The following GPD2 variants were observed in gnomAD, a reference collection of about 807,000 sequenced individuals.
GPD2 encodes glycerol-3-phosphate dehydrogenase 2.
In GPD2, 54 loss-of-function variants were observed where a neutral mutation model predicts 82.4. The observed-to-expected ratio is 0.66, with a 90% CI of 0.53 to 0.82. The LOEUF is 0.82. Among genes scored for constraint, GPD2 ranks in the 40% least tolerant of loss-of-function variants. GPD2 has a pLI of 0.00. For missense variants in GPD2, 748 were observed against 896.2 expected (o/e 0.83, Z 2.11); for synonymous variants, 288 against 306.1 (o/e 0.94, Z 0.62).
chr2:156,450,918 G>A lies in GPD2; in HGVS notation c.-9+14405G>A, dbSNP rs1357084794. 2.2e-4 allele frequency among the ~76,000 whole-genome samples: 29 copies of A among 130,624 alleles called. 1 individual carries two copies. The South Asian group carries it at 8.2e-3, about 37-fold the overall frequency. 85.7% of individuals were successfully genotyped at this position (130,624 alleles called of 152,430 possible). A position where few individuals can be genotyped will look rare whatever the true frequency, so the allele number is the denominator to read the frequency against. The stretch of plus-strand genomic sequence containing the variant: ...TGTTTAACAAAGCACATCTTGCACC[G>A]CCCTTAATCCATTTAACCCTGAGTG... On this transcript the variant is annotated intron_variant, in intron 1 of 16. Coordinates refer to ENST00000438166, the MANE Select transcript of GPD2 (RefSeq NM_000408.5).
chr2:156,493,997 T>C (rs1424408298), intron 2 of GPD2, among the ~76,000 whole-genome samples: 2 of 149,972 alleles, frequency 1.3e-5, no homozygotes, highest in African/African-American at 2.4e-5. Flanking sequence ...GCAAAGACCA[T>C]AATTGAAATA....
At chr2:156,408,160 G>T in the GPD2 span, among the ~76,000 whole-genome samples, 1 of 151,714 alleles carries the variant, frequency 6.6e-6, no homozygotes. Context: ...TTGCTATGTT[G>T]CCCAGGCGGG....
At chr2:156,467,915 A>T (rs1175338111) in intron 1 of GPD2, among the ~76,000 whole-genome samples, 1 of 152,024 alleles carries the variant, frequency 6.6e-6, no homozygotes, top group East Asian at 1.9e-4. Flanking sequence ...ACAGGTGTGT[A>T]AGTCCTTCTC....
intron 9 of GPD2, among the ~76,000 whole-genome samples, chr2:156,566,896 A>C (rs2105359659): frequency 6.6e-6 from 1 of 152,150 alleles, no homozygotes; most frequent in South Asian, 2.1e-4. Context: ...TTTTTGTTTG[A>C]TAATATCCAT....
chr2:156,488,258 G>A (rs1035612319), intron 2 of GPD2, among the ~76,000 whole-genome samples: 7 of 152,210 alleles, frequency 4.6e-5, no homozygotes, highest in Admixed American at 2.6e-4. Context: ...AGTGATTCAG[G>A]AAGTGAATAA....
Position 156,582,927 on chromosome 2 carries a change from A to G in GPD2, c.*9A>G. Reference sequence around the variant, plus strand: ...GTTGTGGAGGATTGTGAGTCTGGGCAGTAAATCCACAGCCAACAAACATAG... The same window carrying G: ...GTTGTGGAGGATTGTGAGTCTGGGCGGTAAATCCACAGCCAACAAACATAG... On this transcript the variant is annotated 3_prime_UTR_variant, in exon 17 of 17. Coordinates refer to ENST00000438166, the MANE Select transcript of GPD2 (RefSeq NM_000408.5). 3.1e-6 allele frequency: 5 copies of G among 1,612,352 alleles called. No individual in the cohort carries two copies. The highest frequency in any genetic ancestry group is 4.2e-6 in the Non-Finnish European group (5 of 1,178,718).
At chr2:156,532,590 C>G (rs1412218008) in intron 6 of GPD2, among the ~76,000 whole-genome samples, 1 of 152,138 alleles carries the variant, frequency 6.6e-6, no homozygotes, top group African/African-American at 2.4e-5. Flanking sequence ...AAATATTGAA[C>G]TTGAAATTTT....
rs373926940 is a variant in GPD2 at position 156,549,601 on chromosome 2, G to C, written c.662-7G>C. 8.1e-6 allele frequency: 13 copies of C among 1,613,800 alleles called. No individual in the cohort carries two copies. The highest frequency in any genetic ancestry group is 1.1e-5 in the Non-Finnish European group (13 of 1,179,720). On this transcript the variant is annotated splice_region_variant and splice_polypyrimidine_tract_variant and intron_variant, in intron 6 of 16. Transcript: ENST00000438166. ...CTCTCCCTCCCCTGATGCTTTCCCCGCTGCAGGACAACATAACGATGCACG... is the reference window on the plus strand; with the variant it reads ...CTCTCCCTCCCCTGATGCTTTCCCCCCTGCAGGACAACATAACGATGCACG...
chr2:156,473,250 G>A (rs998464017), intron 1 of GPD2, among the ~76,000 whole-genome samples: 3 of 152,152 alleles, frequency 2.0e-5, no homozygotes, highest in African/African-American at 7.2e-5. Context: ...TGCTAACTCT[G>A]CAAGATGACA....
At chr2:156,460,844 A>T (rs564693419) in intron 1 of GPD2, among the ~76,000 whole-genome samples, 4 of 152,282 alleles carry the variant, frequency 2.6e-5, no homozygotes, top group African/African-American at 9.6e-5. Context: ...TTTATCCCTA[A>T]AGTATTTGTT....
In GPD2 at chr2:156,577,779, A is replaced by C. The variant is rs181435077; in HGVS notation, c.1768-1110A>C. Among the ~76,000 whole-genome samples the C allele has an allele frequency of 3.7e-3, 558 of 152,250 alleles. 5 individuals are homozygous for C. Among genetic ancestry groups the C allele is most frequent in the South Asian group, 0.01 (50 of 4,816 alleles). ...CAAGCATTTCTTTTTCCCTCACATT[A>C]CATGAAGGCTGCGTGTTAGCTGCTG... On this transcript the variant is annotated intron_variant, in intron 13 of 16. Coordinates refer to ENST00000438166, the MANE Select transcript of GPD2 (RefSeq NM_000408.5).
chr2:156,535,002 G>A (rs1686008611), intron 6 of GPD2, among the ~76,000 whole-genome samples: 1 of 152,086 alleles, frequency 6.6e-6, no homozygotes, highest in South Asian at 2.1e-4. Flanking sequence ...AGTCAGTGGG[G>A]GAGGAAGATG....
intron 6 of GPD2, among the ~76,000 whole-genome samples, chr2:156,529,870 C>T (rs529883900): frequency 0.017 from 2,512 of 151,726 alleles, 73 homozygotes; most frequent in African/African-American, 0.057. Flanking sequence ...AGTCAGGTAG[C>T]GTGATGCCTC....
At chr2:156,572,796 G>A (rs930320737) in intron 13 of GPD2, among the ~76,000 whole-genome samples, 1 of 152,240 alleles carries the variant, frequency 6.6e-6, no homozygotes, top group South Asian at 2.1e-4. Flanking sequence ...TGACCTAGAA[G>A]GTAAGACAGT....
intron 1 of GPD2, among the ~76,000 whole-genome samples, chr2:156,443,482 A>C (rs1030028476): frequency 2.0e-5 from 3 of 152,186 alleles, no homozygotes; most frequent in Non-Finnish European, 2.9e-5. Flanking sequence ...TGGACACCAG[A>C]TACCACACAG....
At chr2:156,521,056 G>A (rs547157722) in intron 6 of GPD2, among the ~76,000 whole-genome samples, 3 of 152,142 alleles carry the variant, frequency 2.0e-5, no homozygotes, top group East Asian at 3.9e-4. Context: ...GTCTACCAGG[G>A]TATATGTACA....
At chr2:156,511,858 G>C (rs1190026355) in intron 4 of GPD2, among the ~76,000 whole-genome samples, 1 of 152,166 alleles carries the variant, frequency 6.6e-6, no homozygotes, top group African/African-American at 2.4e-5. Flanking sequence ...CTTTTAGCAT[G>C]AATTTGAACA....
At position 156,486,811 on chromosome 2, in the gene GPD2, G is replaced by T. The variant is rs10199812; in HGVS notation, c.103-9233G>T. ...TTGATGAAATAATTCACAGAGAAAT[G>T]ATGAGTATGCATTATAAATTTGGCC... On this transcript the variant is annotated intron_variant, in intron 2 of 16. Coordinates refer to ENST00000438166, the MANE Select transcript of GPD2 (RefSeq NM_000408.5). Among the ~76,000 whole-genome samples the T allele has an allele frequency of 1.7e-3, 266 of 152,298 alleles. 1 individual carries two copies. The highest frequency in any genetic ancestry group is 6.0e-3 in the African/African-American group (251 of 41,562).
chr2:156,401,210 A>C, the GPD2 span, among the ~76,000 whole-genome samples: 3 of 152,194 alleles, frequency 2.0e-5, no homozygotes, highest in Non-Finnish European at 4.4e-5. Flanking sequence ...CCACTGAACC[A>C]CCAATGCTTA....
Sources: allele counts gnomAD v4.1 joint callset (sites outside exome capture counted in the v4.1 genomes callset), GRCh38; gene constraint gnomAD v4.1.1; transcripts MANE v1.5; gene names NCBI Gene and HGNC (gene_info 2026-07-23, HGNC 2026-07-21).